GALNTL6: variants seen among roughly 807,000 people sequenced by gnomAD.
The protein encoded by GALNTL6 is polypeptide N-acetylgalactosaminyltransferase-like 6.
In GALNTL6, 46 loss-of-function variants were observed where a neutral mutation model predicts 73.7. The ratio of observed to expected loss-of-function variants is 0.62; its 90% CI spans 0.49 to 0.80. The LOEUF is 0.80. Among genes scored for constraint, GALNTL6 ranks in the 30% least tolerant of loss-of-function variants. The probability of loss-of-function intolerance (pLI) is 0.00; values close to 1 mark genes in which losing one functional copy is unlikely to be tolerated. For missense variants in GALNTL6, 604 were observed against 755.0 expected (o/e 0.80, Z 2.34); for synonymous variants, 259 against 263.7 (o/e 0.98, Z 0.17).
intron 4 of GALNTL6, among the ~76,000 whole-genome samples, chr4:172,325,120 G>A (rs1414601462): frequency 6.6e-6 from 1 of 151,292 alleles, no homozygotes; most frequent in Non-Finnish European, 1.5e-5. Flanking sequence ...GAAAAAAAAA[G>A]AGAACAACAC....
At chr4:171,971,157 A>G (rs1398200363) in intron 2 of GALNTL6, among the ~76,000 whole-genome samples, 2 of 152,208 alleles carry the variant, frequency 1.3e-5, no homozygotes, top group Non-Finnish European at 2.9e-5. Flanking sequence ...TGCAAAGTTT[A>G]TTAACATGTG....
At chr4:172,439,191 CA>C (rs1429348039) in intron 5 of GALNTL6, among the ~76,000 whole-genome samples, 1 of 151,576 alleles carries the variant, frequency 6.6e-6, no homozygotes, top group African/African-American at 2.4e-5. Context: ...CACACACACA[CA>C]CACACACACA....
chr4:171,852,578 C>A (rs1735551189), intron 2 of GALNTL6, among the ~76,000 whole-genome samples: 2 of 151,622 alleles, frequency 1.3e-5, no homozygotes, highest in South Asian at 4.2e-4. Flanking sequence ...ATATAATGCA[C>A]AAAGTTTTAG....
At chr4:172,797,031 A>G (rs1030675134) in intron 5 of GALNTL6, among the ~76,000 whole-genome samples, 3 of 152,082 alleles carry the variant, frequency 2.0e-5, no homozygotes, top group African/African-American at 4.8e-5. Flanking sequence ...GAGATTGGGG[A>G]CCCTATCACT....
intron 5 of GALNTL6, among the ~76,000 whole-genome samples, chr4:172,508,140 G>T (rs1734404975): frequency 1.8e-5 from 1 of 54,808 alleles, no homozygotes; most frequent in African/African-American, 4.6e-5. Flanking sequence ...ATAAAAAAGC[G>T]TTTGTGTTAA....
At chr4:172,994,040 C>G (rs935916321) in intron 10 of GALNTL6, among the ~76,000 whole-genome samples, 5 of 152,184 alleles carry the variant, frequency 3.3e-5, no homozygotes, top group Non-Finnish European at 7.3e-5. Context: ...TAGCATGATT[C>G]ATTGCATCCA....
At chr4:172,096,106 G>GTGTGTGTA (rs1418085567) in intron 2 of GALNTL6, among the ~76,000 whole-genome samples, 1 of 151,330 alleles carries the variant, frequency 6.6e-6, no homozygotes, top group Admixed American at 6.6e-5. Flanking sequence ...GTGTGTGTGT[G>GTGTGTGTA]TGTATGTGTG....
At chr4:171,854,584 A>G (rs1458231940) in intron 2 of GALNTL6, among the ~76,000 whole-genome samples, 1 of 152,204 alleles carries the variant, frequency 6.6e-6, no homozygotes, top group Non-Finnish European at 1.5e-5. Flanking sequence ...TTGGGCTGTT[A>G]TAATAAACAT....
chr4:171,933,652 A>T (rs1458996388), intron 2 of GALNTL6, among the ~76,000 whole-genome samples: 1 of 152,186 alleles, frequency 6.6e-6, no homozygotes, highest in Non-Finnish European at 1.5e-5. Context: ...TACTTAACTA[A>T]GACAGTTAAC....
At chr4:172,907,210 A>G (rs538120545) in intron 8 of GALNTL6, among the ~76,000 whole-genome samples, 142 of 152,244 alleles carry the variant, frequency 9.3e-4, no homozygotes, top group African/African-American at 3.2e-3. Flanking sequence ...TGTTCTAAAA[A>G]AACTTTTTTT....
At chr4:172,378,371 C>G (rs528431313) in intron 5 of GALNTL6, among the ~76,000 whole-genome samples, 5 of 152,206 alleles carry the variant, frequency 3.3e-5, no homozygotes, top group African/African-American at 1.2e-4. Context: ...AATAACATTA[C>G]CAGCATCAGA....
At chr4:172,177,211 TTATTTA>T (rs1205414505) in intron 2 of GALNTL6, among the ~76,000 whole-genome samples, 2 of 152,162 alleles carry the variant, frequency 1.3e-5, no homozygotes, top group East Asian at 3.8e-4. Context: ...GGATATAACT[TTATTTA>T]TATTGTTTTG....
At chr4:172,163,873 A>T (rs1398052739) in intron 2 of GALNTL6, among the ~76,000 whole-genome samples, 1 of 152,064 alleles carries the variant, frequency 6.6e-6, no homozygotes, top group African/African-American at 2.4e-5. Flanking sequence ...TGTCTATTTA[A>T]AAAACATAGG....
intron 5 of GALNTL6, among the ~76,000 whole-genome samples, chr4:172,763,515 T>C (rs1355774555): frequency 2.0e-5 from 3 of 152,240 alleles, no homozygotes; most frequent in Non-Finnish European, 1.5e-5. Flanking sequence ...AGTTTTTCTA[T>C]TAAGCGTTCT....
At chr4:172,344,094 T>C (rs1434477884) in intron 4 of GALNTL6, among the ~76,000 whole-genome samples, 1 of 152,188 alleles carries the variant, frequency 6.6e-6, no homozygotes, top group Non-Finnish European at 1.5e-5. Flanking sequence ...TCTTATTCTA[T>C]TTGTGAATTT....
chr4:171,822,321 G>A (rs1579483556), intron 2 of GALNTL6, among the ~76,000 whole-genome samples: 1 of 152,266 alleles, frequency 6.6e-6, no homozygotes, highest in East Asian at 1.9e-4. Flanking sequence ...AAATTACACA[G>A]GGTTGGCATT....
At chr4:172,228,786 A>G (rs1420962120) in intron 2 of GALNTL6, among the ~76,000 whole-genome samples, 22 of 152,240 alleles carry the variant, frequency 1.4e-4, no homozygotes, top group Admixed American at 1.4e-3. Flanking sequence ...AGCTTTATTC[A>G]AAATGATTAT....
intron 5 of GALNTL6, among the ~76,000 whole-genome samples, chr4:172,658,432 A>G (rs1731195900): frequency 6.7e-6 from 1 of 148,342 alleles, no homozygotes; most frequent in South Asian, 2.1e-4. Context: ...GCACCACTGC[A>G]CTCCGGCCTG....
chr4:172,264,170 A>G (rs1738353023), intron 3 of GALNTL6, among the ~76,000 whole-genome samples: 1 of 151,670 alleles, frequency 6.6e-6, no homozygotes, highest in East Asian at 1.9e-4. Flanking sequence ...TTTTGTCCCA[A>G]CAATATCCAA....
Sources: allele counts gnomAD v4.1 joint callset (sites outside exome capture counted in the v4.1 genomes callset), GRCh38; gene constraint gnomAD v4.1.1; transcripts MANE v1.5; gene names NCBI Gene and HGNC (gene_info 2026-07-23, HGNC 2026-07-21).